The following GALNT13 variants were observed in gnomAD, a reference collection of about 807,000 sequenced individuals.
GALNT13 encodes the protein polypeptide N-acetylgalactosaminyltransferase 13.
In GALNT13, 28 loss-of-function variants were observed where a neutral mutation model predicts 64.2. The ratio of observed to expected loss-of-function variants is 0.44; its 90% CI spans 0.32 to 0.60. The LOEUF is 0.60. GALNT13 is among the 20% of genes least tolerant of loss of function. The probability of loss-of-function intolerance (pLI) is 0.05; values close to 1 mark genes in which losing one functional copy is unlikely to be tolerated. For synonymous variants in GALNT13, 214 were observed against 224.6 expected, an observed-to-expected ratio of 0.95 and a Z score of 0.42; for missense variants, 577 against 669.8, an observed-to-expected ratio of 0.86 and a Z score of 1.53.
chr2:154,365,278 A>G (rs1458316915), intron 9 of GALNT13, among the ~76,000 whole-genome samples: 1 of 152,190 alleles, frequency 6.6e-6, no homozygotes, highest in Non-Finnish European at 1.5e-5. Flanking sequence ...GCAGGTCACA[A>G]TCAATTGTTG....
At chr2:154,317,417 A>G (rs1694381877) in intron 9 of GALNT13, among the ~76,000 whole-genome samples, 1 of 152,176 alleles carries the variant, frequency 6.6e-6, no homozygotes, top group African/African-American at 2.4e-5. Flanking sequence ...GAAATATTCA[A>G]AGGCTAGATG....
the GALNT13 span, among the ~76,000 whole-genome samples, chr2:153,171,258 G>A: frequency 6.6e-6 from 1 of 152,202 alleles, no homozygotes; most frequent in African/African-American, 2.4e-5. Flanking sequence ...GGCTTTCCTT[G>A]CTATAAAAAG....
At chr2:154,373,762 A>G (rs964040977) in intron 9 of GALNT13, among the ~76,000 whole-genome samples, 1 of 152,212 alleles carries the variant, frequency 6.6e-6, no homozygotes, top group Non-Finnish European at 1.5e-5. Flanking sequence ...ATTGGGCACA[A>G]GTCTTCCCTT....
chr2:154,436,463 G>A (rs1477834999), intron 11 of GALNT13: 4 of 152,164 alleles, frequency 2.6e-5, no homozygotes, highest in African/African-American at 9.7e-5. Flanking sequence ...TGAAATGGAT[G>A]TTATGATGTT....
chr2:153,499,403 G>T, the GALNT13 span, among the ~76,000 whole-genome samples: 1 of 152,116 alleles, frequency 6.6e-6, no homozygotes, highest in Non-Finnish European at 1.5e-5. Context: ...AAAAAGTCCC[G>T]TAAGTTCTCA....
the GALNT13 span, among the ~76,000 whole-genome samples, chr2:153,142,893 G>A: frequency 1.3e-5 from 2 of 152,012 alleles, no homozygotes; most frequent in Non-Finnish European, 2.9e-5. Flanking sequence ...TGTTAACATG[G>A]TGGGTCCTTG....
At chr2:153,252,314 G>T in the GALNT13 span, among the ~76,000 whole-genome samples, 1 of 75,482 alleles carries the variant, frequency 1.3e-5, no homozygotes. Flanking sequence ...TTTTTGATGG[G>T]GTTGTTTGCT....
the GALNT13 span, among the ~76,000 whole-genome samples, chr2:153,764,913 C>T: frequency 6.6e-6 from 1 of 152,244 alleles, no homozygotes; most frequent in African/African-American, 2.4e-5. Flanking sequence ...GGTGCAGGTG[C>T]AAGACCCATG....
In GALNT13 at chr2:154,285,118, C is replaced by T. The variant is rs375824962; in HGVS notation, c.976-16291C>T. On this transcript the variant is annotated intron_variant, in intron 8 of 12. Transcript: ENST00000392825. ...TTGTTTGAATTCCTTGTTTTTGATACTAGCTCTTTATCAGACATATGGTTT... is the reference window on the plus strand; with the variant it reads ...TTGTTTGAATTCCTTGTTTTTGATATTAGCTCTTTATCAGACATATGGTTT... 2.0e-5 allele frequency among the ~76,000 whole-genome samples: 3 copies of T among 152,160 alleles called. 1 individual carries two copies. The highest frequency in any genetic ancestry group is 6.5e-5 in the Admixed American group (1 of 15,276).
chr2:153,859,352 A>G, the GALNT13 span, among the ~76,000 whole-genome samples: 1 of 152,148 alleles, frequency 6.6e-6, no homozygotes, highest in Non-Finnish European at 1.5e-5. Flanking sequence ...CAGATTTTTA[A>G]CTGGAATCAA....
the GALNT13 span, among the ~76,000 whole-genome samples, chr2:153,735,936 T>A: frequency 1.3e-5 from 2 of 152,192 alleles, no homozygotes; most frequent in Admixed American, 1.3e-4. Flanking sequence ...AGTTACCAAG[T>A]TTATCGTCTG....
chr2:153,216,705 T>C, the GALNT13 span, among the ~76,000 whole-genome samples: 2 of 152,080 alleles, frequency 1.3e-5, no homozygotes, highest in Non-Finnish European at 2.9e-5. Context: ...TAAAAATCTC[T>C]TGTAAGGTTT....
At chr2:154,353,550 A>T (rs974329548) in intron 9 of GALNT13, among the ~76,000 whole-genome samples, 1 of 152,114 alleles carries the variant, frequency 6.6e-6, no homozygotes, top group African/African-American at 2.4e-5. Context: ...GCTACTTTGT[A>T]TTCGTTGGTA....
At chr2:154,413,950 T>C (rs1393534383) in intron 11 of GALNT13, among the ~76,000 whole-genome samples, 1 of 152,118 alleles carries the variant, frequency 6.6e-6, no homozygotes, top group Admixed American at 6.6e-5. Context: ...TATTTACTTC[T>C]TTAGAAATAT....
intron 3 of GALNT13, among the ~76,000 whole-genome samples, chr2:154,127,023 C>T (rs1418227878): frequency 6.6e-6 from 1 of 152,158 alleles, no homozygotes; most frequent in African/African-American, 2.4e-5. Flanking sequence ...AAAGAATACT[C>T]AGCTGCAGCT....
chr2:153,903,768 CT>C (rs1357261302), intron 2 of GALNT13, among the ~76,000 whole-genome samples: 1 of 151,876 alleles, frequency 6.6e-6, no homozygotes, highest in East Asian at 1.9e-4. Context: ...ATAATTATTA[CT>C]CTTTTAAGCT....
Position 154,016,416 on chromosome 2 carries a change from TTTTG to T in GALNT13, c.142+71793_142+71796del, listed in dbSNP as rs202198457. 9.5e-3 allele frequency among the ~76,000 whole-genome samples: 1,445 copies of T among 152,188 alleles called. 20 individuals carry two copies. Among genetic ancestry groups the T allele is most frequent in the African/African-American group, 0.033 (1,365 of 41,510 alleles). ...AAGATTTATATTGTACTAGATTGTG[TTTTG>T]TTTGTTTGTTTGTTTTTGACAGAGT... On this transcript the variant is annotated intron_variant, in intron 3 of 12. Transcript: ENST00000392825.
At chr2:153,655,620 C>T in the GALNT13 span, among the ~76,000 whole-genome samples, 1 of 152,058 alleles carries the variant, frequency 6.6e-6, no homozygotes, top group Non-Finnish European at 1.5e-5. Context: ...TTATGAAACT[C>T]ATTCAGAATT....
intron 4 of GALNT13, among the ~76,000 whole-genome samples, chr2:154,207,957 A>G (rs1035243729): frequency 6.6e-6 from 1 of 152,200 alleles, no homozygotes; most frequent in African/African-American, 2.4e-5. Flanking sequence ...CCTCTTCAGC[A>G]TTATCCTGAT....
Sources: gnomAD v4.1 joint callset for allele counts (sites outside exome capture counted in the v4.1 genomes callset) on GRCh38, gnomAD v4.1.1 for gene constraint, MANE v1.5 for transcripts, NCBI Gene and HGNC (gene_info 2026-07-23, HGNC 2026-07-21) for gene names.